The following MYO9A variants were observed in gnomAD, a reference collection of about 807,000 sequenced individuals.
The protein encoded by MYO9A is unconventional myosin-IXa.
In MYO9A, 103 loss-of-function variants were observed where a neutral mutation model predicts 293.3. That is an observed-to-expected ratio of 0.35 (90% CI 0.30 to 0.41). The LOEUF (loss-of-function observed/expected upper bound fraction) is 0.41, where lower values mean the gene tolerates loss of function less well. MYO9A is among the 10% of genes least tolerant of loss of function. The pLI is 1.00. For synonymous variants in MYO9A, 1,001 were observed against 1,035.7 expected, an observed-to-expected ratio of 0.97 and a Z score of 0.64; for missense variants, 2,685 against 3,033.0, an observed-to-expected ratio of 0.89 and a Z score of 2.69.
intron 4 of MYO9A, among the ~76,000 whole-genome samples, chr15:72,021,274 A>C (rs1383635003): frequency 6.6e-6 from 1 of 152,238 alleles, no homozygotes; most frequent in East Asian, 1.9e-4. Flanking sequence ...CCATAAAACC[A>C]ATGAGAAATC....
In MYO9A at chr15:71,994,653, T is replaced by C. The variant is rs1231144936; in HGVS notation, c.1471-68A>G. The C allele has an allele frequency of 5.9e-6, 5 of 841,744 alleles. No individual in the cohort carries two copies. In the Admixed American group the frequency reaches 1.1e-4, roughly 19 times the overall value. 52.1% of individuals were successfully genotyped at this position (841,744 alleles called of 1,614,324 possible). ...GATTAAGATACTATGACAAAGTTGT[T>C]TGCTCCCATTCAAGAAAGAAACTTA... On this transcript the variant is annotated intron_variant, in intron 9 of 41. Transcript: ENST00000356056.
At chr15:72,007,472 C>G (rs753537242) in intron 8 of MYO9A, among the ~76,000 whole-genome samples, 3 of 151,626 alleles carry the variant, frequency 2.0e-5, no homozygotes, top group African/African-American at 7.3e-5. Context: ...TAACCAAAAT[C>G]TTAGTATGAG....
At chr15:72,104,310 A>G (rs541719091) in intron 1 of MYO9A, among the ~76,000 whole-genome samples, 1 of 152,322 alleles carries the variant, frequency 6.6e-6, no homozygotes, top group Non-Finnish European at 1.5e-5. Flanking sequence ...GGTTAGGTGT[A>G]ATAAATGCAT....
intron 1 of MYO9A, among the ~76,000 whole-genome samples, chr15:72,102,783 G>T (rs1441036436): frequency 6.6e-6 from 1 of 151,736 alleles, no homozygotes; most frequent in African/African-American, 2.4e-5. Context: ...TGAGAAACAA[G>T]ACAAAGATGG....
intron 12 of MYO9A, among the ~76,000 whole-genome samples, chr15:71,975,380 G>A (rs1487675999): frequency 4.7e-5 from 4 of 85,990 alleles, no homozygotes; most frequent in Non-Finnish European, 7.1e-5. Context: ...GGCCTATGAC[G>A]TGATTTTATC....
intron 1 of MYO9A, among the ~76,000 whole-genome samples, chr15:72,069,212 G>A (rs2079108845): frequency 6.6e-6 from 1 of 152,138 alleles, no homozygotes; most frequent in African/African-American, 2.4e-5. Context: ...TGCCAGCATA[G>A]GGACTGGTAA....
intron 1 of MYO9A, among the ~76,000 whole-genome samples, chr15:72,058,593 T>C (rs2149933085): frequency 6.6e-6 from 1 of 152,334 alleles, no homozygotes; most frequent in South Asian, 2.1e-4. Context: ...ATTACTGGCA[T>C]TTATATAGCA....
chr15:71,872,691 C>G (rs1170996089), intron 32 of MYO9A, among the ~76,000 whole-genome samples: 1 of 152,188 alleles, frequency 6.6e-6, no homozygotes, highest in Non-Finnish European at 1.5e-5. Flanking sequence ...TTTCCTGTCT[C>G]TGTACCCCAG....
At chr15:72,098,874 G>T (rs773835853) in intron 1 of MYO9A, among the ~76,000 whole-genome samples, 10 of 150,784 alleles carry the variant, frequency 6.6e-5, no homozygotes, top group Non-Finnish European at 1.0e-4. Flanking sequence ...GAAAAGAAAT[G>T]ATAAAAACGA....
intron 32 of MYO9A, among the ~76,000 whole-genome samples, chr15:71,867,022 A>G (rs1451904214): frequency 6.6e-6 from 1 of 152,038 alleles, no homozygotes; most frequent in Non-Finnish European, 1.5e-5. Flanking sequence ...GCACTACTGC[A>G]CTCCAGCCTT....
chr15:72,070,682 C>T (rs1020926408), intron 1 of MYO9A, among the ~76,000 whole-genome samples: 24 of 152,018 alleles, frequency 1.6e-4, no homozygotes, highest in Non-Finnish European at 2.9e-4. Flanking sequence ...AAGTAAGATT[C>T]CATCTCAAAA....
At chr15:71,969,377 C>G (rs143546565) in intron 12 of MYO9A, among the ~76,000 whole-genome samples, 2,042 of 152,342 alleles carry the variant, frequency 0.013, 29 homozygotes, top group African/African-American at 0.023. Context: ...CAGCACAGCT[C>G]CTATAACAGT....
At chr15:72,086,970 T>C (rs1012232081) in intron 1 of MYO9A, among the ~76,000 whole-genome samples, 2 of 152,148 alleles carry the variant, frequency 1.3e-5, no homozygotes, top group African/African-American at 4.8e-5. Context: ...TTCTTCATGT[T>C]GGTCAGGTTG....
At chr15:71,949,490 A>C (rs150248643) in intron 15 of MYO9A, among the ~76,000 whole-genome samples, 2 of 148,480 alleles carry the variant, frequency 1.3e-5, no homozygotes, top group African/African-American at 5.0e-5. Flanking sequence ...CGACCCCTTT[A>C]TCTCTCATTT....
chr15:71,941,057 A>G (rs2058760980), intron 15 of MYO9A, among the ~76,000 whole-genome samples: 1 of 152,208 alleles, frequency 6.6e-6, no homozygotes, highest in Admixed American at 6.5e-5. Flanking sequence ...AGTGGCCTAA[A>G]GAATAATATA....
At chr15:71,941,678 C>G (rs969919600) in intron 15 of MYO9A, among the ~76,000 whole-genome samples, 5 of 151,634 alleles carry the variant, frequency 3.3e-5, no homozygotes, top group Non-Finnish European at 7.4e-5. Flanking sequence ...ACAGCAAATC[C>G]CAAAGAAAAT....
In MYO9A at chr15:71,848,949, CAACA is replaced by C; in HGVS notation, c.6729_6732del (p.Ile2243MetfsTer5). The C allele has an allele frequency of 6.2e-7, 1 of 1,603,578 alleles. No individual in the cohort carries two copies. Among genetic ancestry groups the C allele is most frequent in the Non-Finnish European group, 8.5e-7 (1 of 1,177,222 alleles). On this transcript the variant is annotated frameshift_variant, in exon 39 of 42. Transcript: ENST00000356056. LOFTEE classifies it high-confidence loss of function. The stretch of plus-strand genomic sequence containing the variant: ...GCCTTGTATTTATTCATTTGTTCCA[CAACA>C]ATCAGTTCCACACAACTGAAACAGA...
intron 7 of MYO9A, among the ~76,000 whole-genome samples, chr15:72,008,994 C>G (rs1244970245): frequency 1.3e-5 from 2 of 152,168 alleles, no homozygotes; most frequent in African/African-American, 2.4e-5. Flanking sequence ...GAATCACCAT[C>G]TAACTTATAA....
At chr15:72,056,601 G>A (rs1291884580) in intron 1 of MYO9A, among the ~76,000 whole-genome samples, 2 of 152,216 alleles carry the variant, frequency 1.3e-5, no homozygotes, top group Non-Finnish European at 2.9e-5. Context: ...AAAGGTGGGA[G>A]GTGGGTGAGG....
Sources: gnomAD v4.1 joint callset for allele counts (sites outside exome capture counted in the v4.1 genomes callset) on GRCh38, gnomAD v4.1.1 for gene constraint, MANE v1.5 for transcripts, NCBI Gene and HGNC (gene_info 2026-07-23, HGNC 2026-07-21) for gene names.